PTPRT: variants seen among roughly 807,000 people sequenced by gnomAD.
The protein encoded by PTPRT is receptor-type tyrosine-protein phosphatase T.
In PTPRT, 56 loss-of-function variants were observed where a neutral mutation model predicts 176.8. The observed-to-expected ratio is 0.32, with a 90% CI of 0.26 to 0.40. The LOEUF is 0.40. Among genes scored for constraint, PTPRT ranks in the 10% least tolerant of loss-of-function variants. PTPRT has a pLI of 1.00. For synonymous variants in PTPRT, 783 were observed against 739.0 expected (o/e 1.06, Z -0.96); for missense variants, 1,540 against 1,908.2 (o/e 0.81, Z 3.60).
At chr20:42,632,131 A>G (rs1323626192) in intron 7 of PTPRT, among the ~76,000 whole-genome samples, 1 of 152,120 alleles carries the variant, frequency 6.6e-6, no homozygotes, top group Non-Finnish European at 1.5e-5. Flanking sequence ...CTTGTTGGCA[A>G]TCCTTCCTAT....
At chr20:42,986,474 T>C (rs1201642106) in intron 1 of PTPRT, among the ~76,000 whole-genome samples, 1 of 152,164 alleles carries the variant, frequency 6.6e-6, no homozygotes, top group Non-Finnish European at 1.5e-5. Context: ...CTCTGCAGCA[T>C]CCTGTGGAAT....
At chr20:42,397,615 A>G (rs1452955406) in intron 9 of PTPRT, among the ~76,000 whole-genome samples, 3 of 152,238 alleles carry the variant, frequency 2.0e-5, no homozygotes, top group Admixed American at 2.0e-4. Flanking sequence ...GACAAAGCAC[A>G]TGATTTCATT....
intron 12 of PTPRT, among the ~76,000 whole-genome samples, chr20:42,297,996 T>G (rs1365868997): frequency 2.0e-5 from 3 of 152,098 alleles, no homozygotes; most frequent in Non-Finnish European, 4.4e-5. Flanking sequence ...AAAGTTTAAA[T>G]GTAATAAAAG....
chr20:42,528,045 T>C (rs1011531118), intron 7 of PTPRT, among the ~76,000 whole-genome samples: 3 of 152,228 alleles, frequency 2.0e-5, no homozygotes, highest in Admixed American at 6.5e-5. Flanking sequence ...CAGCATGGCC[T>C]CATAGGCCCA....
At chr20:42,934,663 T>C (rs1409287272) in intron 1 of PTPRT, among the ~76,000 whole-genome samples, 2 of 152,198 alleles carry the variant, frequency 1.3e-5, no homozygotes, top group Non-Finnish European at 2.9e-5. Flanking sequence ...CATCCTTCAG[T>C]CCCTTGCCTT....
intron 16 of PTPRT, among the ~76,000 whole-genome samples, chr20:42,191,564 C>T (rs1000357605): frequency 3.3e-5 from 5 of 152,050 alleles, no homozygotes; most frequent in Non-Finnish European, 5.9e-5. Context: ...AAATTTATTC[C>T]GAGGAGGGCT....
chr20:42,342,057 C>T (rs1051249663), intron 11 of PTPRT, among the ~76,000 whole-genome samples: 11 of 152,312 alleles, frequency 7.2e-5, no homozygotes, highest in African/African-American at 2.2e-4. Context: ...AACCCACCTA[C>T]ATTATTTGGG....
intron 13 of PTPRT, among the ~76,000 whole-genome samples, chr20:42,249,798 A>G (rs2056519146): frequency 6.6e-6 from 1 of 152,232 alleles, no homozygotes; most frequent in Non-Finnish European, 1.5e-5. Flanking sequence ...AAAGAATGCC[A>G]AGAACCAGTA....
At chr20:42,468,666 C>T (rs561652702) in intron 8 of PTPRT, among the ~76,000 whole-genome samples, 9 of 152,220 alleles carry the variant, frequency 5.9e-5, no homozygotes, top group African/African-American at 9.6e-5. Flanking sequence ...AGTTAAGGAA[C>T]GCCTTAAAGC....
chr20:42,748,768 G>A (rs959855491), intron 6 of PTPRT, among the ~76,000 whole-genome samples: 1 of 152,072 alleles, frequency 6.6e-6, no homozygotes, highest in Non-Finnish European at 1.5e-5. Flanking sequence ...AGACCCCCAA[G>A]AGCAGCTCTC....
rs574941321 is a variant in PTPRT at position 42,161,347 on chromosome 20, C to T, written c.2682+5G>A. On this transcript the variant is annotated splice_donor_5th_base_variant and intron_variant, in intron 17 of 30. Transcript: ENST00000373187. ...AGGAAGTTTCCCCACAGGCTGGTCTCTTACCTCGTATTCCTCCTTGAACCC... is the reference window on the plus strand; with the variant it reads ...AGGAAGTTTCCCCACAGGCTGGTCTTTTACCTCGTATTCCTCCTTGAACCC... 3.1e-6 allele frequency: 5 copies of T among 1,614,006 alleles called. No individual in the cohort carries two copies. The highest frequency in any genetic ancestry group is 4.2e-6 in the Non-Finnish European group (5 of 1,180,012).
intron 16 of PTPRT, among the ~76,000 whole-genome samples, chr20:42,181,002 T>C (rs1990496767): frequency 6.6e-6 from 1 of 152,228 alleles, no homozygotes; most frequent in Non-Finnish European, 1.5e-5. Flanking sequence ...GTACCAACAA[T>C]AATCATCAAC....
At chr20:42,374,225 T>G (rs559050712) in intron 9 of PTPRT, among the ~76,000 whole-genome samples, 5 of 152,156 alleles carry the variant, frequency 3.3e-5, no homozygotes, top group Non-Finnish European at 7.4e-5. Context: ...CTCAAGAACT[T>G]TTCAGAGGCA....
intron 7 of PTPRT, among the ~76,000 whole-genome samples, chr20:42,611,910 A>G (rs1426943041): frequency 1.3e-5 from 2 of 152,128 alleles, no homozygotes; most frequent in African/African-American, 4.8e-5. Flanking sequence ...TGGTCCATCA[A>G]TGGCTTCAGG....
rs1161994908 is a variant in PTPRT at position 42,646,882 on chromosome 20, CTTTTTTTTTTTTTTTTTTT to C, written c.1153+30965_1153+30983del. Among the ~76,000 whole-genome samples, 18 of 76,224 alleles carry C rather than the reference CTTTTTTTTTTTTTTTTTTT, an allele frequency of 2.4e-4. 1 individual carries two copies. The highest frequency in any genetic ancestry group is 1.4e-3 in the African/African-American group (18 of 13,322). 50.0% of individuals were successfully genotyped at this position (76,224 alleles called of 152,430 possible). ...TCTAGAGATCCCAACCTAAGACAGC[CTTTTTTTTTTTTTTTTTTT>C]TTTTTTTTTTTTGAGATGGAGTTTG... On this transcript the variant is annotated intron_variant, in intron 7 of 30. Transcript: ENST00000373187.
intron 7 of PTPRT, among the ~76,000 whole-genome samples, chr20:42,613,983 A>G (rs1161312585): frequency 8.6e-6 from 1 of 115,746 alleles, no homozygotes; most frequent in Non-Finnish European, 1.6e-5. Context: ...AGTACCATAG[A>G]CTGGGTGGGG....
intron 1 of PTPRT, among the ~76,000 whole-genome samples, chr20:43,073,508 ACG>A (rs1491162068): frequency 6.6e-6 from 1 of 151,302 alleles, no homozygotes; most frequent in East Asian, 2.0e-4. Flanking sequence ...TGCTATACAC[ACG>A]TGTGTATATA....
chr20:42,230,012 A>G (rs1278507051), intron 15 of PTPRT, among the ~76,000 whole-genome samples: 1 of 152,206 alleles, frequency 6.6e-6, no homozygotes, highest in East Asian at 1.9e-4. Context: ...CCTAATGAGC[A>G]AGCAACATCC....
chr20:42,189,330 T>C (rs1990902005), intron 16 of PTPRT, among the ~76,000 whole-genome samples: 1 of 152,216 alleles, frequency 6.6e-6, no homozygotes, highest in Non-Finnish European at 1.5e-5. Flanking sequence ...ACTTGCTGGG[T>C]GTCTGATCAG....
Sources: allele counts gnomAD v4.1 joint callset (sites outside exome capture counted in the v4.1 genomes callset), GRCh38; gene constraint gnomAD v4.1.1; transcripts MANE v1.5; gene names NCBI Gene and HGNC (gene_info 2026-07-23, HGNC 2026-07-21).